Variants in BBS4 observed in about 807,000 individuals in gnomAD.
BBS4 encodes the protein Bardet-Biedl syndrome 4.
In BBS4, 58 loss-of-function variants were observed where a neutral mutation model predicts 71.4. That is an observed-to-expected ratio of 0.81 (90% CI 0.66 to 1.01). The LOEUF (loss-of-function observed/expected upper bound fraction) is 1.01. Among genes scored for constraint, BBS4 ranks in the 50% least tolerant of loss-of-function variants. The pLI is 0.00. For missense variants in BBS4, 660 were observed against 607.9 expected, an observed-to-expected ratio of 1.09 and a Z score of -0.90; for synonymous variants, 228 against 216.8, an observed-to-expected ratio of 1.05 and a Z score of -0.46.
Position 72,738,298 on chromosome 15 carries a change from G to C in BBS4, c.*711G>C, listed in dbSNP as rs1269549688. 4 of 454,076 alleles carry C rather than the reference G, an allele frequency of 8.8e-6. No individual in the cohort carries two copies. Among genetic ancestry groups the C allele is most frequent in the Non-Finnish European group, 1.3e-5 (3 of 226,784 alleles). The allele number at this position is 454,076 out of a possible 1,614,324, so 28.1% of individuals were successfully genotyped here. A position where few individuals can be genotyped will look rare whatever the true frequency, so the allele number is the denominator to read the frequency against. ...CCAACGATTTTAAAGAAAAAAGGAA[G>C]AGTTTCTTAGATGAGTAATTGTTAT... On this transcript the variant is annotated 3_prime_UTR_variant, in exon 16 of 16. Coordinates refer to ENST00000268057, the MANE Select transcript of BBS4 (RefSeq NM_033028.5).
chr15:72,727,704 C>CT (rs990263305), intron 8 of BBS4, among the ~76,000 whole-genome samples: 2 of 152,116 alleles, frequency 1.3e-5, no homozygotes, highest in African/African-American at 4.8e-5. Context: ...GACTTTTACC[C>CT]TAAGAAAGGA....
chr15:72,724,721 C>G, intron 8 of BBS4, 66 bp downstream of exon 8: 1 of 1,586,022 alleles, frequency 6.3e-7, no homozygotes, highest in Non-Finnish European at 8.6e-7. Context: ...TGTGAACTCC[C>G]AAGCCTAAAA....
At chr15:72,723,653 A>G (rs1252100109) in intron 7 of BBS4, among the ~76,000 whole-genome samples, 1 of 152,230 alleles carries the variant, frequency 6.6e-6, no homozygotes, top group Admixed American at 6.5e-5. Context: ...GAAAAAAAAT[A>G]TGCACATTAG....
intron 2 of BBS4, among the ~76,000 whole-genome samples, chr15:72,696,584 A>G (rs1238101166): frequency 1.3e-5 from 2 of 152,166 alleles, no homozygotes; most frequent in East Asian, 3.9e-4. Context: ...TGGAATGCCA[A>G]ATAAATGGAA....
Position 72,736,948 on chromosome 15 carries a change from A to G in BBS4, c.1435A>G (p.Arg479Gly). 1 of 1,614,194 alleles carries G rather than the reference A, an allele frequency of 6.2e-7. No individual in the cohort carries two copies. The highest frequency in any genetic ancestry group is 8.5e-7 in the Non-Finnish European group (1 of 1,180,030). ...GGCAATGTCTTCAGCAGCTGCATAC[A>G]GGACGCTCCCCTCAGGTAGGACCAT... Reference protein sequence around the residue: ...GQAMSSAAAYRTLPSGAGGTS... With the variant: ...GQAMSSAAAYGTLPSGAGGTS... Residue 479 changes from arginine (R) to glycine (G), a missense_variant, in exon 15 of 16, where the codon AGG (arginine) becomes GGG (glycine). Coordinates refer to ENST00000268057, the MANE Select transcript of BBS4 (RefSeq NM_033028.5).
intron 2 of BBS4, among the ~76,000 whole-genome samples, chr15:72,698,936 A>G (rs1472003449): frequency 6.6e-6 from 1 of 152,190 alleles, no homozygotes; most frequent in Non-Finnish European, 1.5e-5. Flanking sequence ...AATTCACCCT[A>G]AAGTCTACAT....
rs77355279 is a variant in BBS4 at position 72,701,100 on chromosome 15, C to T, written c.76+5872C>T. On this transcript the variant is annotated intron_variant, in intron 2 of 15. Transcript: ENST00000268057. ...AGAATATTATCAGTGCCCTCCAGGC[C>T]GCCTCCTTATTCCCTACCAGTCATT... Among the ~76,000 whole-genome samples, 573 of 152,190 alleles carry T rather than the reference C, an allele frequency of 3.8e-3. 1 individual carries two copies. The highest frequency in any genetic ancestry group is 0.013 in the African/African-American group (555 of 41,514).
At chr15:72,730,003 G>A (rs2065780835) in intron 10 of BBS4, among the ~76,000 whole-genome samples, 1 of 152,172 alleles carries the variant, frequency 6.6e-6, no homozygotes, top group Non-Finnish European at 1.5e-5. Context: ...GCGGCCCGGC[G>A]CGGTGGCTCA....
intron 2 of BBS4, among the ~76,000 whole-genome samples, chr15:72,700,566 T>C (rs1017684957): frequency 2.0e-5 from 3 of 152,228 alleles, no homozygotes; most frequent in African/African-American, 7.2e-5. Context: ...TTCATATACT[T>C]ATTGGTCATA....
chr15:72,698,363 C>G (rs2065113586), intron 2 of BBS4, among the ~76,000 whole-genome samples: 1 of 152,172 alleles, frequency 6.6e-6, no homozygotes, highest in Admixed American at 6.5e-5. Flanking sequence ...AACAGAAACA[C>G]TGTACCCATT....
intron 2 of BBS4, 83 bp downstream of exon 2, chr15:72,695,311 G>T: frequency 1.0e-6 from 1 of 989,208 alleles, no homozygotes. Flanking sequence ...TTTTTTGGAG[G>T]CAGAGTCTCA....
At chr15:72,701,042 A>T (rs935263542) in intron 2 of BBS4, among the ~76,000 whole-genome samples, 2 of 152,226 alleles carry the variant, frequency 1.3e-5, no homozygotes, top group African/African-American at 2.4e-5. Context: ...CAAAGTAAAC[A>T]TATCCATGTA....
intron 1 of BBS4, among the ~76,000 whole-genome samples, chr15:72,690,578 C>T (rs2064966522): frequency 1.3e-5 from 2 of 152,168 alleles, no homozygotes; most frequent in South Asian, 4.1e-4. Flanking sequence ...ATTTAAAAAA[C>T]AGTTTTGTTG....
chr15:72,732,075 C>T (rs1488211084), intron 12 of BBS4, among the ~76,000 whole-genome samples: 1 of 152,154 alleles, frequency 6.6e-6, no homozygotes, highest in Admixed American at 6.5e-5. Context: ...TAGGTAGGGT[C>T]CTGCCTCTAC....
chr15:72,736,984 A>G (rs2065938791), intron 15 of BBS4, 21 bp downstream of exon 15: 1 of 1,612,964 alleles, frequency 6.2e-7, no homozygotes, highest in Non-Finnish European at 8.5e-7. Context: ...ACAGAGCTCC[A>G]TGAAGACCTG....
intron 8 of BBS4, among the ~76,000 whole-genome samples, chr15:72,725,894 TTTCCCCATCCC>T (rs1372961715): frequency 5.6e-4 from 1 of 1,772 alleles, no homozygotes; most frequent in African/African-American, 2.5e-3. Context: ...CCCATCCCCC[TTTCCCCATCCC>T]CCTTTCCCCA....
chr15:72,716,733 C>T (rs774182300), intron 5 of BBS4, 45 bp from the exon 6 acceptor site: 1 of 1,402,622 alleles, frequency 7.1e-7, no homozygotes, highest in Non-Finnish European at 1.0e-6. Context: ...GGTTAGTCTT[C>T]TAAGAATTTT....
intron 9 of BBS4, among the ~76,000 whole-genome samples, chr15:72,729,281 A>G (rs1178857152): frequency 2.8e-5 from 3 of 107,054 alleles, no homozygotes; most frequent in African/African-American, 1.1e-4. Context: ...ACGGAGTTTC[A>G]CTCTTTTTGC....
chr15:72,695,294 TA>T lies in BBS4; in HGVS notation c.76+67del, dbSNP rs374635256. 206 of 1,213,526 alleles carry T rather than the reference TA, an allele frequency of 1.7e-4. 1 individual carries two copies. In the African/African-American group the frequency reaches 2.0e-3, roughly 12 times the overall value. The allele number at this position is 1,213,526 out of a possible 1,614,324, so 75.2% of individuals were successfully genotyped here. A position where few individuals can be genotyped will look rare whatever the true frequency, so the allele number is the denominator to read the frequency against. ...CAGATTTCTCTTTTATTTATTTATT[TA>T]TTTTTTTTTTTGGAGGCAGAGTCTC... On this transcript the variant is annotated intron_variant, in intron 2 of 15. Coordinates refer to ENST00000268057, the MANE Select transcript of BBS4 (RefSeq NM_033028.5).
Sources: gnomAD v4.1 joint callset for allele counts (sites outside exome capture counted in the v4.1 genomes callset) on GRCh38, gnomAD v4.1.1 for gene constraint, MANE v1.5 for transcripts, NCBI Gene and HGNC (gene_info 2026-07-23, HGNC 2026-07-21) for gene names.